Variants in RAP1B observed in about 807,000 individuals in gnomAD.
The protein encoded by RAP1B is ras-related protein Rap-1b.
In RAP1B, 1 loss-of-function variant was observed where a neutral mutation model predicts 27.5. The ratio of observed to expected loss-of-function variants is 0.04; its 90% CI spans 0.01 to 0.17. RAP1B has a LOEUF of 0.17. Ranked by LOEUF, RAP1B falls within the 10% of genes least tolerant of loss-of-function variation. RAP1B has a pLI of 1.00. For synonymous variants in RAP1B, 75 were observed against 73.1 expected, an observed-to-expected ratio of 1.03 and a Z score of -0.13; for missense variants, 84 against 214.8, an observed-to-expected ratio of 0.39 and a Z score of 3.81.
intron 3 of RAP1B, chr12:68,651,668 G>A (rs1873823501): frequency 4.0e-6 from 1 of 252,958 alleles, no homozygotes. Flanking sequence ...AACTGTTGCT[G>A]GTTTTGTTTG....
chr12:68,640,202 A>C (rs1370603655), intron 1 of RAP1B, among the ~76,000 whole-genome samples: 2 of 149,406 alleles, frequency 1.3e-5, no homozygotes, highest in Non-Finnish European at 3.0e-5. Context: ...TTAAAAACAA[A>C]ATTTAATATC....
chr12:68,647,621 C>T (rs142836992), intron 1 of RAP1B, among the ~76,000 whole-genome samples: 220 of 149,116 alleles, frequency 1.5e-3, no homozygotes, highest in African/African-American at 4.7e-3. Flanking sequence ...GCTGGTCTTA[C>T]AGGATTTTGG....
At chr12:68,636,582 C>T (rs1404521651) in intron 1 of RAP1B, among the ~76,000 whole-genome samples, 2 of 152,178 alleles carry the variant, frequency 1.3e-5, no homozygotes, top group African/African-American at 4.8e-5. Flanking sequence ...CATGTACCAC[C>T]ACACCCAGCT....
intron 1 of RAP1B, among the ~76,000 whole-genome samples, chr12:68,632,754 T>C (rs1185759783): frequency 2.0e-5 from 3 of 152,170 alleles, no homozygotes; most frequent in Non-Finnish European, 2.9e-5. Context: ...AAATAAGATA[T>C]AAGATACTTA....
chr12:68,671,230 G>A lies in RAP1B; in HGVS notation c.*11981G>A, dbSNP rs1336232033. The A allele has an allele frequency of 6.6e-6, 1 of 152,100 alleles. No individual in the cohort carries two copies. The highest frequency in any genetic ancestry group is 1.5e-5 in the Non-Finnish European group (1 of 68,018). 9.4% of individuals were successfully genotyped at this position (152,100 alleles called of 1,614,324 possible). A position where few individuals can be genotyped will look rare whatever the true frequency, so the allele number is the denominator to read the frequency against. ...TTCAGAGAACACTACAGTCCCAGAA[G>A]AGAGGTAAAGGGCAAGAAATGAATC... On this transcript the variant is annotated 3_prime_UTR_variant, in exon 8 of 8. Transcript: ENST00000250559.
chr12:68,655,156 T>TA (rs968806114), intron 5 of RAP1B, among the ~76,000 whole-genome samples: 34 of 146,994 alleles, frequency 2.3e-4, no homozygotes, highest in Non-Finnish European at 3.3e-4. Context: ...ACCAGAAATT[T>TA]AAAAAAAAAA....
chr12:68,627,392 A>G, intron 1 of RAP1B: 2 of 600,912 alleles, frequency 3.3e-6, no homozygotes, highest in Non-Finnish European at 3.0e-6. Context: ...GTTTTTTAAA[A>G]CACACAAATA....
intron 1 of RAP1B, among the ~76,000 whole-genome samples, chr12:68,625,802 G>A (rs912348759): frequency 6.6e-6 from 1 of 151,974 alleles, no homozygotes; most frequent in African/African-American, 2.4e-5. Context: ...CGCACCTGTA[G>A]TCCTAGCTAC....
intron 1 of RAP1B, among the ~76,000 whole-genome samples, chr12:68,633,835 A>T (rs1318609667): frequency 6.6e-6 from 1 of 152,160 alleles, no homozygotes; most frequent in Non-Finnish European, 1.5e-5. Flanking sequence ...GTGCCACTGC[A>T]CTCCAGCCTG....
intron 1 of RAP1B, among the ~76,000 whole-genome samples, chr12:68,611,438 C>T (rs1247529123): frequency 6.6e-6 from 1 of 150,924 alleles, no homozygotes; most frequent in Non-Finnish European, 1.5e-5. Flanking sequence ...AGACTCGCTC[C>T]CCGCCCCGAG....
Position 68,650,415 on chromosome 12 carries a change from C to A in RAP1B, c.73C>A (p.Gln25Lys). Residue 25 changes from glutamine to lysine, a missense_variant, in exon 3 of 8, where the codon CAA becomes AAA. Transcript: ENST00000250559. ...TTTTTTTCAGACTGTACAATTTGTT[C>A]AAGGAATTTTTGTAGAAAAATACGA... ...GKSALTVQFV[Q>K]GIFVEKYDPT... is the part of the protein sequence containing the mutation. 6.4e-7 allele frequency: 1 copy of A among 1,553,660 alleles called. No individual in the cohort carries two copies. Among genetic ancestry groups the A allele is most frequent in the South Asian group, 1.2e-5 (1 of 83,286 alleles).
chr12:68,644,766 G>GCAACCTC (rs1013655348), intron 1 of RAP1B, among the ~76,000 whole-genome samples: 3 of 136,214 alleles, frequency 2.2e-5, no homozygotes, highest in African/African-American at 8.4e-5. Flanking sequence ...TGGGCTCACT[G>GCAACCTC]CAACCTCCAC....
intron 1 of RAP1B, among the ~76,000 whole-genome samples, chr12:68,635,806 AG>A (rs1235709159): frequency 6.6e-6 from 1 of 151,952 alleles, no homozygotes; most frequent in African/African-American, 2.4e-5. Flanking sequence ...AACTGGGGTT[AG>A]GGGGTGAGTG....
chr12:68,641,531 T>A (rs1565667534), intron 1 of RAP1B, among the ~76,000 whole-genome samples: 1 of 152,196 alleles, frequency 6.6e-6, no homozygotes, highest in Non-Finnish European at 1.5e-5. Context: ...AATAAACTAC[T>A]TTTAAACAAA....
intron 1 of RAP1B, chr12:68,642,783 T>C: frequency 9.6e-7 from 1 of 1,046,278 alleles, no homozygotes; most frequent in Non-Finnish European, 1.5e-6. Context: ...TTAAACTTCT[T>C]AAAGTCATCC....
Position 68,667,183 on chromosome 12 carries a change from C to G in RAP1B, c.*7934C>G, listed in dbSNP as rs1874890444. ...TATCCAGAGGGTTTTCTCTTCATCT[C>G]ACGCATCCCACCTTTAATCAGACAT... is the stretch of plus-strand genomic sequence containing the variant. On this transcript the variant is annotated 3_prime_UTR_variant, in exon 8 of 8. Coordinates refer to ENST00000250559, the MANE Select transcript of RAP1B (RefSeq NM_001010942.3). 6.6e-6 allele frequency: 1 copy of G among 152,162 alleles called. No individual in the cohort carries two copies. Among genetic ancestry groups the G allele is most frequent in the Admixed American group, 6.5e-5 (1 of 15,284 alleles). 9.4% of individuals were successfully genotyped at this position (152,162 alleles called of 1,614,324 possible).
At chr12:68,627,828 G>A (rs796817259) in intron 1 of RAP1B, among the ~76,000 whole-genome samples, 2 of 152,142 alleles carry the variant, frequency 1.3e-5, no homozygotes, top group Non-Finnish European at 2.9e-5. Flanking sequence ...CCAGACAGTG[G>A]TGACTCATTC....
chr12:68,625,019 G>A (rs926820108), intron 1 of RAP1B: 2 of 152,252 alleles, frequency 1.3e-5, no homozygotes, highest in African/African-American at 4.8e-5. Context: ...TTATCCATTT[G>A]TTTGGTGTAT....
At chr12:68,612,926 A>G (rs922549451) in intron 1 of RAP1B, among the ~76,000 whole-genome samples, 16 of 152,244 alleles carry the variant, frequency 1.1e-4, no homozygotes, top group African/African-American at 3.9e-4. Context: ...AAGCTGCCTT[A>G]TCTAAGGAAG....
Sources: gnomAD v4.1 joint callset for allele counts (sites outside exome capture counted in the v4.1 genomes callset) on GRCh38, gnomAD v4.1.1 for gene constraint, MANE v1.5 for transcripts, NCBI Gene and HGNC (gene_info 2026-07-23, HGNC 2026-07-21) for gene names.